LRP1B: variants seen among roughly 807,000 people sequenced by gnomAD.
LRP1B encodes low-density lipoprotein receptor-related protein 1B.
LRP1B carries 217 observed loss-of-function variants against 556.6 expected under a neutral mutation model. That is an observed-to-expected ratio of 0.39 (90% confidence interval 0.35 to 0.44). The LOEUF (loss-of-function observed/expected upper bound fraction) is 0.44. Ranked by LOEUF, LRP1B falls within the 20% of genes least tolerant of loss-of-function variation. LRP1B has a pLI of 1.00. For missense variants in LRP1B, 5,053 were observed against 5,620.8 expected (o/e 0.90, Z 3.23); for synonymous variants, 2,047 against 1,865.8 (o/e 1.10, Z -2.50).
At chr2:140,837,804 G>A (rs1298353713) in intron 31 of LRP1B, among the ~76,000 whole-genome samples, 2 of 145,510 alleles carry the variant, frequency 1.4e-5, no homozygotes, top group Non-Finnish European at 3.0e-5. Context: ...GGGGTGGGGG[G>A]AGGGGGGAAG....
rs546558796 is a variant in LRP1B, at chr2:140,375,759, G to C, written c.10638+2421C>G. Reference sequence around the variant, plus strand: ...TTTTTTTGTTCTTACAACATATTACGCTAAATGTAGAGCAAAAATATTATA... The same window carrying C: ...TTTTTTTGTTCTTACAACATATTACCCTAAATGTAGAGCAAAAATATTATA... On this transcript the variant is annotated intron_variant, in intron 68 of 90. Transcript: ENST00000389484. 1.1e-4 allele frequency among the ~76,000 whole-genome samples: 17 copies of C among 151,966 alleles called. No homozygotes were observed. The East Asian group carries it at 3.1e-3, about 28-fold the overall frequency.
intron 3 of LRP1B, among the ~76,000 whole-genome samples, chr2:141,314,909 T>TAC (rs1553493332): frequency 2.7e-3 from 394 of 144,506 alleles, no homozygotes; most frequent in African/African-American, 7.6e-3. Flanking sequence ...TATATATATA[T>TAC]ACACATATAT....
intron 66 of LRP1B, among the ~76,000 whole-genome samples, chr2:140,434,227 G>A (rs1686077705): frequency 1.3e-5 from 2 of 152,032 alleles, no homozygotes; most frequent in South Asian, 4.1e-4. Context: ...GTGCCACCAT[G>A]CCCAGCTAAT....
At chr2:141,613,263 T>C (rs1485779811) in intron 2 of LRP1B, among the ~76,000 whole-genome samples, 2 of 152,144 alleles carry the variant, frequency 1.3e-5, no homozygotes, top group African/African-American at 4.8e-5. Context: ...GAGCACACTA[T>C]AGCTGTTTTA....
chr2:140,597,054 C>A lies in LRP1B; in HGVS notation c.7194+1577G>T, dbSNP rs190135689. On this transcript the variant is annotated intron_variant, in intron 43 of 90. Transcript: ENST00000389484. ...AATAAAGAATTTTTAAAATGTATTGCTCATTTTATTAACAAAAATATTAAC... is the reference window on the plus strand; with the variant it reads ...AATAAAGAATTTTTAAAATGTATTGATCATTTTATTAACAAAAATATTAAC... Among the ~76,000 whole-genome samples, 4 of 152,138 alleles carry A rather than the reference C, an allele frequency of 2.6e-5. No homozygotes were observed. The East Asian group carries it at 5.8e-4, about 22-fold the overall frequency.
chr2:141,001,516 G>A (rs928951581), intron 15 of LRP1B, among the ~76,000 whole-genome samples: 1 of 152,002 alleles, frequency 6.6e-6, no homozygotes, highest in Non-Finnish European at 1.5e-5. Flanking sequence ...TCCCCACCCT[G>A]TGTCCAAGTG....
chr2:140,245,882 C>G (rs1224194695), intron 87 of LRP1B, among the ~76,000 whole-genome samples: 1 of 151,302 alleles, frequency 6.6e-6, no homozygotes, highest in African/African-American at 2.4e-5. Context: ...CTAAGGAGAG[C>G]ACACAAATTC....
intron 41 of LRP1B, among the ~76,000 whole-genome samples, chr2:140,643,163 T>A (rs1684363883): frequency 6.6e-6 from 1 of 152,152 alleles, no homozygotes. Context: ...GTTCCCTTTT[T>A]TCTTAAATAC....
chr2:142,016,895 TACAC>T (rs534779678), intron 1 of LRP1B, among the ~76,000 whole-genome samples: 2 of 149,070 alleles, frequency 1.3e-5, no homozygotes, highest in African/African-American at 4.9e-5. Flanking sequence ...TATATGTATA[TACAC>T]ACACATATAT....
At chr2:141,760,021 C>T (rs1170058757) in intron 2 of LRP1B, among the ~76,000 whole-genome samples, 2 of 152,022 alleles carry the variant, frequency 1.3e-5, no homozygotes, top group Non-Finnish European at 2.9e-5. Flanking sequence ...CCCAGCTACT[C>T]GGGAGGCTGA....
intron 43 of LRP1B, among the ~76,000 whole-genome samples, chr2:140,571,816 G>A (rs1438678181): frequency 6.6e-6 from 1 of 151,764 alleles, no homozygotes; most frequent in East Asian, 1.9e-4. Context: ...TTAGACCAAT[G>A]CAACAACAGA....
intron 3 of LRP1B, among the ~76,000 whole-genome samples, chr2:141,455,697 T>C (rs952527489): frequency 1.2e-4 from 18 of 152,138 alleles, no homozygotes; most frequent in Admixed American, 4.6e-4. Flanking sequence ...GTGGAATAAA[T>C]GAACAAATAC....
intron 3 of LRP1B, among the ~76,000 whole-genome samples, chr2:141,309,397 A>T (rs1016856729): frequency 4.6e-5 from 7 of 152,236 alleles, no homozygotes; most frequent in African/African-American, 1.7e-4. Context: ...GTTTGATGCT[A>T]TGGTCTGAAT....
At chr2:140,398,895 G>C (rs1264246523) in intron 66 of LRP1B, among the ~76,000 whole-genome samples, 2 of 152,006 alleles carry the variant, frequency 1.3e-5, no homozygotes, top group Admixed American at 6.6e-5. Flanking sequence ...CAGTATTGCA[G>C]GGAGTGTGGG....
intron 3 of LRP1B, among the ~76,000 whole-genome samples, chr2:141,467,093 T>C (rs1309226259): frequency 4.5e-3 from 79 of 17,578 alleles, no homozygotes; most frequent in Middle Eastern, 0.053. Flanking sequence ...CACACACACA[T>C]ATATATGTGT....
intron 7 of LRP1B, among the ~76,000 whole-genome samples, chr2:141,134,675 A>G (rs1269550409): frequency 6.6e-6 from 1 of 151,720 alleles, no homozygotes; most frequent in East Asian, 1.9e-4. Context: ...AGTAAAGTAC[A>G]GATCATTACT....
At chr2:140,823,222 T>C (rs1267969554) in intron 31 of LRP1B, among the ~76,000 whole-genome samples, 1 of 151,802 alleles carries the variant, frequency 6.6e-6, no homozygotes, top group African/African-American at 2.4e-5. Context: ...CCTCACATTC[T>C]GGAAAAAAAA....
At chr2:140,698,417 C>G (rs556729100) in intron 41 of LRP1B, among the ~76,000 whole-genome samples, 1 of 151,964 alleles carries the variant, frequency 6.6e-6, no homozygotes, top group Admixed American at 6.6e-5. Context: ...GCAACAATTG[C>G]GTTCATCTAA....
chr2:142,076,335 G>A (rs1390108816), intron 1 of LRP1B, among the ~76,000 whole-genome samples: 2 of 152,042 alleles, frequency 1.3e-5, no homozygotes. Flanking sequence ...CACACCAACA[G>A]CATCCTCAAA....
Sources: gnomAD v4.1 joint callset for allele counts (sites outside exome capture counted in the v4.1 genomes callset) on GRCh38, gnomAD v4.1.1 for gene constraint, MANE v1.5 for transcripts, NCBI Gene and HGNC (gene_info 2026-07-23, HGNC 2026-07-21) for gene names.